The following UPRT variants were observed in gnomAD, a reference collection of about 807,000 sequenced individuals.
UPRT encodes the protein RP11-311P8.3.
UPRT carries 5 observed loss-of-function variants against 22.6 expected under a neutral mutation model. That is an observed-to-expected ratio of 0.22 (90% CI 0.12 to 0.47). The LOEUF (loss-of-function observed/expected upper bound fraction) is 0.47. Ranked by LOEUF, UPRT falls within the 20% of genes least tolerant of loss-of-function variation. The pLI is 0.99. For missense variants in UPRT, 181 were observed against 239.9 expected, an observed-to-expected ratio of 0.75 and a Z score of 1.62; for synonymous variants, 77 against 87.7, an observed-to-expected ratio of 0.88 and a Z score of 0.68.
At chrX:75,205,930 G>A (rs958149203) in intron 4 of UPRT, among the ~76,000 whole-genome samples, 11 of 111,590 alleles carry the variant, frequency 9.9e-5, no homozygotes, top group Admixed American at 1.9e-4. Context: ...GGAATGGCTC[G>A]CAAACGCATG....
intron 4 of UPRT, among the ~76,000 whole-genome samples, chrX:75,174,392 A>G (rs1452247551): frequency 9.0e-6 from 1 of 111,567 alleles, no homozygotes; most frequent in Non-Finnish European, 1.9e-5. Context: ...CTGTAGCTTG[A>G]TGGCCTCGAT....
chrX:75,167,531 C>T (rs1310841127), intron 3 of UPRT, among the ~76,000 whole-genome samples: 1 of 111,818 alleles, frequency 8.9e-6, no homozygotes, highest in Non-Finnish European at 1.9e-5. Flanking sequence ...TGAATTAAAT[C>T]ATTGAAGGAC....
intron 1 of UPRT, among the ~76,000 whole-genome samples, chrX:75,293,145 G>T (rs1410556244): frequency 9.0e-6 from 1 of 111,111 alleles, no homozygotes; most frequent in African/African-American, 3.3e-5. Context: ...CTCAACTTTA[G>T]CTCTGGACTT....
At chrX:75,250,841 C>T (rs1267915902) in intron 4 of UPRT, among the ~76,000 whole-genome samples, 2 of 111,899 alleles carry the variant, frequency 1.8e-5, no homozygotes, top group East Asian at 5.6e-4. Context: ...AATCCAGCAG[C>T]ACATCAAAAA....
intron 1 of UPRT, among the ~76,000 whole-genome samples, chrX:75,283,260 A>C (rs1053616577): frequency 1.8e-5 from 2 of 111,427 alleles, no homozygotes; most frequent in Non-Finnish European, 3.8e-5. Context: ...TGGAGCATTT[A>C]GGCCATTTAC....
intron 4 of UPRT, among the ~76,000 whole-genome samples, chrX:75,264,389 C>G (rs968115030): frequency 3.6e-5 from 4 of 111,228 alleles, no homozygotes; most frequent in African/African-American, 1.3e-4. Context: ...AGGACTTGCT[C>G]TATGAATCTG....
intron 3 of UPRT, among the ~76,000 whole-genome samples, chrX:75,165,189 A>G (rs1476114771): frequency 1.8e-5 from 2 of 111,021 alleles, no homozygotes; most frequent in Non-Finnish European, 3.8e-5. Context: ...CAGTTGCTCA[A>G]TACTATCTAT....
At chrX:75,187,608 T>G (rs1002114194) in intron 4 of UPRT, among the ~76,000 whole-genome samples, 1 of 112,351 alleles carries the variant, frequency 8.9e-6, no homozygotes, top group African/African-American at 3.2e-5. Context: ...AATAATATCC[T>G]TCAGAGTGTT....
At chrX:75,244,757 T>C (rs1424582485) in intron 4 of UPRT, among the ~76,000 whole-genome samples, 1 of 110,882 alleles carries the variant, frequency 9.0e-6, no homozygotes, top group Non-Finnish European at 1.9e-5. Context: ...CCTTATGCCA[T>C]ATACAAAAAT....
intron 4 of UPRT, among the ~76,000 whole-genome samples, chrX:75,179,727 G>A (rs1460890190): frequency 8.8e-6 from 1 of 113,445 alleles, no homozygotes; most frequent in Non-Finnish European, 1.9e-5. Flanking sequence ...CACTGCTGGG[G>A]GACCCAGTAC....
chrX:75,196,509 A>G (rs1051014654), intron 4 of UPRT, among the ~76,000 whole-genome samples: 3 of 112,508 alleles, frequency 2.7e-5, no homozygotes, highest in Admixed American at 9.4e-5. Context: ...AAAACTAATA[A>G]TAATGGATAG....
At chrX:75,253,035 A>T (rs2082536961) in intron 4 of UPRT, among the ~76,000 whole-genome samples, 1 of 110,532 alleles carries the variant, frequency 9.0e-6, no homozygotes, top group Non-Finnish European at 1.9e-5. Flanking sequence ...CACTGTGGGG[A>T]CTGTTGTGGG....
chrX:75,185,091 C>G (rs749022318), intron 4 of UPRT, among the ~76,000 whole-genome samples: 1 of 111,741 alleles, frequency 8.9e-6, no homozygotes, highest in Admixed American at 9.5e-5. Context: ...GCATCCCTGT[C>G]TTGTGCCAGT....
intron 4 of UPRT, among the ~76,000 whole-genome samples, chrX:75,236,586 G>A (rs1336419112): frequency 9.0e-6 from 1 of 111,459 alleles, no homozygotes; most frequent in Non-Finnish European, 1.9e-5. Context: ...GTATGATACT[G>A]GTACCAAAAA....
At chrX:75,194,446 A>G (rs2082326652) in intron 4 of UPRT, among the ~76,000 whole-genome samples, 1 of 111,469 alleles carries the variant, frequency 9.0e-6, no homozygotes, top group African/African-American at 3.3e-5. Context: ...GCACATGCCA[A>G]CAACAGAGGC....
At chrX:75,197,161 G>A (rs752274111) in intron 4 of UPRT, among the ~76,000 whole-genome samples, 1 of 111,469 alleles carries the variant, frequency 9.0e-6, no homozygotes, top group South Asian at 3.8e-4. Flanking sequence ...TCCTCCTTAA[G>A]ACTTCTTAAG....
At chrX:75,182,328 G>A (rs995222833) in intron 4 of UPRT, among the ~76,000 whole-genome samples, 1 of 111,640 alleles carries the variant, frequency 9.0e-6, no homozygotes, top group African/African-American at 3.3e-5. Flanking sequence ...TTTATTTGGT[G>A]TGTTTCTGCC....
At chrX:75,237,796 T>G (rs1427619215) in intron 4 of UPRT, among the ~76,000 whole-genome samples, 3 of 59,767 alleles carry the variant, frequency 5.0e-5, no homozygotes, top group African/African-American at 2.1e-4. Context: ...TGGGGACTGT[T>G]GTGGGGTGGG....
At chrX:75,248,366 G>A (rs1751880810) in intron 4 of UPRT, among the ~76,000 whole-genome samples, 1 of 111,849 alleles carries the variant, frequency 8.9e-6, no homozygotes, top group Admixed American at 9.6e-5. Flanking sequence ...GTCCTTAAAT[G>A]ACCTGATGCA....
Sources: allele counts gnomAD v4.1 joint callset (sites outside exome capture counted in the v4.1 genomes callset), GRCh38; gene constraint gnomAD v4.1.1; transcripts MANE v1.5; gene names NCBI Gene and HGNC (gene_info 2026-07-23, HGNC 2026-07-21).